TMEM165: variants seen among roughly 807,000 people sequenced by gnomAD.
TMEM165 encodes the protein putative divalent cation/proton antiporter TMEM165.
Under a neutral mutation model 30.0 loss-of-function variants are expected in TMEM165, and 19 were observed. That is an observed-to-expected ratio of 0.63 (90% confidence interval 0.44 to 0.93). The LOEUF is 0.93. TMEM165 is among the 40% of genes least tolerant of loss of function. The probability of loss-of-function intolerance (pLI) is 0.00; values close to 1 mark genes in which losing one functional copy is unlikely to be tolerated. For synonymous variants in TMEM165, 168 were observed against 162.9 expected (o/e 1.03, Z -0.24); for missense variants, 340 against 417.0 (o/e 0.82, Z 1.61).
downstream of TMEM165, among the ~76,000 whole-genome samples, chr4:55,426,509 G>C (rs1722206982): frequency 6.6e-6 from 1 of 152,116 alleles, no homozygotes; most frequent in African/African-American, 2.4e-5. Flanking sequence ...AGTATATTTT[G>C]ATTTGACTAC....
chr4:55,408,218 C>T (rs565045294), intron 1 of TMEM165, among the ~76,000 whole-genome samples: 96 of 152,276 alleles, frequency 6.3e-4, no homozygotes, highest in African/African-American at 2.2e-3. Flanking sequence ...ATTTTGGCCA[C>T]CCAGGACCAG....
intron 2 of TMEM165, 46 bp from the exon 3 acceptor site, chr4:55,417,026 C>G: frequency 6.8e-7 from 1 of 1,480,224 alleles, no homozygotes; most frequent in East Asian, 2.4e-5. Context: ...TTCCCTTGGT[C>G]GTGATACACA....
intron 3 of TMEM165, chr4:55,431,368 T>C (rs1560404029): frequency 1.3e-5 from 2 of 152,200 alleles, no homozygotes; most frequent in Non-Finnish European, 2.9e-5. Flanking sequence ...TATATACAAA[T>C]ATATTAAATA....
At chr4:55,398,374 AGGTTTGTAAGGAATAGT>A (rs1298304236) in intron 1 of TMEM165, among the ~76,000 whole-genome samples, 1 of 152,192 alleles carries the variant, frequency 6.6e-6, no homozygotes, top group African/African-American at 2.4e-5. Flanking sequence ...CAGGTAGAGG[AGGTTTGTAAGGAATAGT>A]GGTTTAATAT....
chr4:55,417,563 G>T (rs903795290), intron 3 of TMEM165: 2 of 547,550 alleles, frequency 3.7e-6, no homozygotes, highest in Non-Finnish European at 6.4e-6. Flanking sequence ...AGGATAGTAA[G>T]TGAGCAGAGC....
At chr4:55,424,382 A>G in intron 4 of TMEM165, 156 bp from the exon 5 acceptor site, 1 of 589,602 alleles carries the variant, frequency 1.7e-6, no homozygotes, top group Non-Finnish European at 3.1e-6. Context: ...TCAAGCAGCC[A>G]TTACACCTCT....
exon 4 of TMEM165, chr4:55,453,018 A>G (rs922541934): frequency 8.4e-6 from 12 of 1,432,100 alleles, no homozygotes; most frequent in Non-Finnish European, 1.2e-5. Flanking sequence ...TTGGGGAGAA[A>G]TTAAAAATAA....
At chr4:55,450,873 G>A (rs1724380446) in intron 3 of TMEM165, among the ~76,000 whole-genome samples, 1 of 152,026 alleles carries the variant, frequency 6.6e-6, no homozygotes, top group Admixed American at 6.6e-5. Flanking sequence ...CCAGGTGAAT[G>A]CCTGCGGTGC....
At chr4:55,414,090 A>T (rs951116517) in intron 2 of TMEM165, among the ~76,000 whole-genome samples, 5 of 152,086 alleles carry the variant, frequency 3.3e-5, no homozygotes, top group Non-Finnish European at 1.5e-5. Context: ...AACACGGTGA[A>T]ACCCCGTCTC....
rs1358325550 is a variant in TMEM165 at position 55,395,986 on chromosome 4, C to G, written c.-204C>G. On this transcript the variant is annotated 5_prime_UTR_variant, in exon 1 of 6. Transcript: ENST00000381334. ...CCAGTTTAGCCGCCGCCGGAGAGGA[C>G]GGGCGCCGAGCCGGGGCTGCGGACT... The G allele has an allele frequency of 1.0e-5, 4 of 391,824 alleles. No homozygotes were observed. The highest frequency in any genetic ancestry group is 4.7e-5 in the Admixed American group (1 of 21,330). The allele number at this position is 391,824 out of a possible 1,614,324, so 24.3% of individuals were successfully genotyped here. A position where few individuals can be genotyped will look rare whatever the true frequency, so the allele number is the denominator to read the frequency against.
At chr4:55,438,434 C>T in intron 3 of TMEM165, 2 of 1,613,852 alleles carry the variant, frequency 1.2e-6, no homozygotes, top group Non-Finnish European at 1.7e-6. Flanking sequence ...GTAGGATATG[C>T]AGTCACCACC....
At chr4:55,399,718 T>A (rs1486681918) in intron 1 of TMEM165, among the ~76,000 whole-genome samples, 5 of 152,112 alleles carry the variant, frequency 3.3e-5, no homozygotes, top group Non-Finnish European at 5.9e-5. Context: ...TTCTTGTCTT[T>A]TAAAGTTTTA....
intron 1 of TMEM165, among the ~76,000 whole-genome samples, chr4:55,407,476 ATAG>A (rs1721317432): frequency 2.0e-5 from 3 of 152,374 alleles, no homozygotes; most frequent in African/African-American, 7.2e-5. Context: ...TATAATTTAA[ATAG>A]TAGCATTTTG....
intron 3 of TMEM165, chr4:55,434,911 T>A (rs1577660938): frequency 5.6e-6 from 1 of 177,614 alleles, no homozygotes; most frequent in East Asian, 1.5e-4. Context: ...ATTCTGAAAG[T>A]AATTACTGTT....
At chr4:55,452,879 G>C (rs1359717944) in exon 4 of TMEM165, 3 of 508,028 alleles carry the variant, frequency 5.9e-6, no homozygotes, top group African/African-American at 1.9e-5. Flanking sequence ...TCTTTTTAGA[G>C]GCAGGTGAGA....
chr4:55,419,730 T>A (rs1018578501), intron 4 of TMEM165, among the ~76,000 whole-genome samples: 1 of 152,070 alleles, frequency 6.6e-6, no homozygotes, highest in Non-Finnish European at 1.5e-5. Flanking sequence ...AGAGTAAAAT[T>A]GTTTCTAATT....
chr4:55,426,617 A>T (rs556570114), downstream of TMEM165, among the ~76,000 whole-genome samples: 3 of 152,228 alleles, frequency 2.0e-5, no homozygotes, highest in African/African-American at 7.2e-5. Flanking sequence ...ACTAAATTGA[A>T]GGACAATTCT....
At chr4:55,400,296 A>AATATATAATATAATATTAT (rs1176552286) in intron 1 of TMEM165, among the ~76,000 whole-genome samples, 36 of 103,566 alleles carry the variant, frequency 3.5e-4, no homozygotes, top group African/African-American at 1.6e-3. Context: ...TATTATATAT[A>AATATATAATATAATATTAT]ATATTATATA....
intron 1 of TMEM165, among the ~76,000 whole-genome samples, chr4:55,409,207 A>G (rs1182231263): frequency 6.6e-6 from 1 of 152,160 alleles, no homozygotes; most frequent in East Asian, 1.9e-4. Context: ...TTTCTCCAGT[A>G]TTTAGCTCAG....
Sources: allele counts gnomAD v4.1 joint callset (sites outside exome capture counted in the v4.1 genomes callset), GRCh38; gene constraint gnomAD v4.1.1; transcripts MANE v1.5; gene names NCBI Gene and HGNC (gene_info 2026-07-23, HGNC 2026-07-21).